KIF5C: variants seen among roughly 807,000 people sequenced by gnomAD.
KIF5C encodes the protein kinesin heavy chain isoform 5C.
A neutral mutation model predicts 125.2 loss-of-function variants in KIF5C; 18 were observed. The ratio of observed to expected loss-of-function variants is 0.14; its 90% CI spans 0.10 to 0.21. The LOEUF (loss-of-function observed/expected upper bound fraction) is 0.21, where lower values mean the gene tolerates loss of function less well. Ranked by LOEUF, KIF5C falls within the 10% of genes least tolerant of loss-of-function variation. The pLI is 1.00. For missense variants in KIF5C, 780 were observed against 1,183.8 expected (o/e 0.66, Z 5.01); for synonymous variants, 405 against 434.0 (o/e 0.93, Z 0.83).
intron 6 of KIF5C, among the ~76,000 whole-genome samples, chr2:148,942,468 A>G (rs1213853113): frequency 1.3e-5 from 2 of 152,138 alleles, no homozygotes; most frequent in African/African-American, 2.4e-5. Flanking sequence ...TTTTTGGTTT[A>G]CGTCTATATT....
intron 13 of KIF5C, among the ~76,000 whole-genome samples, chr2:148,981,152 C>T (rs1681224616): frequency 6.6e-6 from 1 of 152,140 alleles, no homozygotes; most frequent in Admixed American, 6.5e-5. Context: ...GCACACAAAA[C>T]AGATTTTTGC....
At chr2:148,877,156 C>A (rs1251420689) in intron 1 of KIF5C, 1 of 152,266 alleles carries the variant, frequency 6.6e-6, no homozygotes, top group Non-Finnish European at 1.5e-5. Context: ...GCCAGCTGTA[C>A]CGTAAGGCGG....
rs148494353 is a variant in KIF5C, at chr2:148,876,973, G to A, written c.126+1230G>A. Among the ~76,000 whole-genome samples the A allele has an allele frequency of 9.8e-5, 15 of 152,314 alleles. No individual in the cohort carries two copies. The highest frequency in any genetic ancestry group is 1.0e-4 in the Non-Finnish European group (7 of 68,022). On this transcript the variant is annotated intron_variant, in intron 1 of 25. Coordinates refer to ENST00000435030, the MANE Select transcript of KIF5C (RefSeq NM_004522.3). The surrounding 1 kb of genome is among the most constrained non-coding windows in gnomAD (Gnocchi z 4.7). ...CCCTCCTCCCCTTCCTCCAGTGGCTGGTGTATTTAGGTCAAGTGATTGACA... is the reference window on the plus strand; with the variant it reads ...CCCTCCTCCCCTTCCTCCAGTGGCTAGTGTATTTAGGTCAAGTGATTGACA...
At chr2:149,017,441 T>C (rs1682396995) in intron 25 of KIF5C, among the ~76,000 whole-genome samples, 1 of 152,174 alleles carries the variant, frequency 6.6e-6, no homozygotes, top group African/African-American at 2.4e-5. Flanking sequence ...GTGCTGAGTC[T>C]TCTTTGCAGC....
intron 10 of KIF5C, among the ~76,000 whole-genome samples, chr2:148,954,572 C>A (rs1054688408): frequency 1.3e-5 from 2 of 152,310 alleles, no homozygotes; most frequent in Admixed American, 1.3e-4. Flanking sequence ...GTTAGGAAGA[C>A]CTGAATCGGC....
intron 3 of KIF5C, among the ~76,000 whole-genome samples, chr2:148,932,524 C>G (rs1322419524): frequency 6.6e-6 from 1 of 152,218 alleles, no homozygotes; most frequent in Non-Finnish European, 1.5e-5. Context: ...AGCCCATACC[C>G]AGGGTTGGCG....
At chr2:149,013,294 C>T (rs773243237) in intron 25 of KIF5C, among the ~76,000 whole-genome samples, 11 of 152,198 alleles carry the variant, frequency 7.2e-5, no homozygotes, top group Non-Finnish European at 1.5e-4. Flanking sequence ...CAAATGACTT[C>T]AGTTTCAGCC....
At chr2:148,975,342 G>A (rs1681031898) in intron 12 of KIF5C, among the ~76,000 whole-genome samples, 1 of 152,154 alleles carries the variant, frequency 6.6e-6, no homozygotes, top group African/African-American at 2.4e-5. Flanking sequence ...TGATGTAGGT[G>A]GTTTGACGCT....
intron 10 of KIF5C, among the ~76,000 whole-genome samples, chr2:148,957,131 G>A (rs1192965761): frequency 2.6e-5 from 4 of 152,130 alleles, no homozygotes; most frequent in Non-Finnish European, 4.4e-5. Context: ...TTGATTTTGT[G>A]TCTCCCTGTA....
intron 1 of KIF5C, among the ~76,000 whole-genome samples, chr2:148,899,763 C>A (rs1365777817): frequency 6.9e-6 from 1 of 145,250 alleles, no homozygotes; most frequent in Non-Finnish European, 1.5e-5. Flanking sequence ...CAGTTACCAA[C>A]AGACTCCTTA....
At position 148,976,519 on chromosome 2, in the gene KIF5C, C is replaced by T. The variant is rs181842100; in HGVS notation, c.1294-2403C>T. On this transcript the variant is annotated intron_variant, in intron 12 of 25. Transcript: ENST00000435030. ...TCCTGACCTCGTGATCCACCTGCCT[C>T]GGCCTCCCAAAGTGCTGGGATTTCA... is the stretch of plus-strand genomic sequence containing the variant. Among the ~76,000 whole-genome samples the T allele has an allele frequency of 1.5e-3, 227 of 152,016 alleles. 1 individual carries two copies. Among genetic ancestry groups the T allele is most frequent in the African/African-American group, 5.2e-3 (215 of 41,440 alleles).
intron 21 of KIF5C, 131 bp from the exon 22 acceptor site, chr2:149,005,262 T>C (rs1273570027): frequency 7.0e-7 from 1 of 1,431,112 alleles, no homozygotes; most frequent in Non-Finnish European, 9.4e-7. Flanking sequence ...GGTGGGGGTG[T>C]CACAGGGAAG....
chr2:148,922,999 G>A (rs961009112), intron 2 of KIF5C, among the ~76,000 whole-genome samples: 3 of 152,204 alleles, frequency 2.0e-5, no homozygotes, highest in South Asian at 2.1e-4. Context: ...GCTTGCATTG[G>A]CAGGCTTGCC....
intron 1 of KIF5C, chr2:148,885,438 T>G (rs1198607672): frequency 2.0e-5 from 3 of 152,212 alleles, no homozygotes; most frequent in Non-Finnish European, 4.4e-5. Flanking sequence ...AACAGGCAAA[T>G]GCGTCTCATT....
intron 4 of KIF5C, 73 bp from the exon 5 acceptor site, chr2:148,941,537 A>G (rs1330242338): frequency 2.0e-6 from 3 of 1,536,434 alleles, no homozygotes; most frequent in Non-Finnish European, 2.6e-6. Context: ...GAAAGCTTTC[A>G]TAAGTACTAA....
intron 19 of KIF5C, 145 bp downstream of exon 19, chr2:148,998,654 G>A: frequency 1.5e-6 from 2 of 1,332,446 alleles, no homozygotes; most frequent in Non-Finnish European, 2.0e-6. Flanking sequence ...GGCTGGGCGG[G>A]CTGCTTCCAA....
At chr2:148,888,031 C>T (rs1264231025) in intron 1 of KIF5C, among the ~76,000 whole-genome samples, 3 of 152,260 alleles carry the variant, frequency 2.0e-5, no homozygotes, top group Admixed American at 6.5e-5. Flanking sequence ...TACGTGCAAG[C>T]CATTTGCGGC....
intron 4 of KIF5C, 124 bp downstream of exon 4, chr2:148,937,512 C>A: frequency 7.4e-7 from 1 of 1,346,218 alleles, no homozygotes; most frequent in Non-Finnish European, 9.8e-7. Context: ...TTGTGGTAAG[C>A]AGAGCCCTCT....
chr2:148,897,003 T>C (rs1680699510), intron 1 of KIF5C, among the ~76,000 whole-genome samples: 1 of 152,092 alleles, frequency 6.6e-6, no homozygotes, highest in Non-Finnish European at 1.5e-5. Context: ...CGGCTAATTT[T>C]TGTATCTTTA....
Sources: allele counts gnomAD v4.1 joint callset (sites outside exome capture counted in the v4.1 genomes callset), GRCh38; gene constraint gnomAD v4.1.1; non-coding constraint Gnocchi (gnomAD v3.1); transcripts MANE v1.5; gene names NCBI Gene and HGNC (gene_info 2026-07-23, HGNC 2026-07-21).